DISC1: variants seen among roughly 807,000 people sequenced by gnomAD.
The protein encoded by DISC1 is disrupted in schizophrenia 1 protein.
A neutral mutation model predicts 84.5 loss-of-function variants in DISC1; 57 were observed. That is an observed-to-expected ratio of 0.67 (90% CI 0.55 to 0.84). The LOEUF (loss-of-function observed/expected upper bound fraction) is 0.84, where lower values mean the gene tolerates loss of function less well. Among genes scored for constraint, DISC1 ranks in the 40% least tolerant of loss-of-function variants. DISC1 has a pLI of 0.00. For synonymous variants in DISC1, 411 were observed against 415.2 expected, an observed-to-expected ratio of 0.99 and a Z score of 0.12; for missense variants, 1,000 against 1,057.8, an observed-to-expected ratio of 0.95 and a Z score of 0.76.
intron 10 of DISC1, among the ~76,000 whole-genome samples, chr1:231,992,031 G>C (rs193007946): frequency 2.2e-3 from 341 of 152,002 alleles, no homozygotes; most frequent in Non-Finnish European, 3.5e-3. Flanking sequence ...TTCTCCATTT[G>C]GTTGTTTCCA....
intron 9 of DISC1, among the ~76,000 whole-genome samples, chr1:231,919,983 C>G (rs2089895718): frequency 6.6e-6 from 1 of 152,150 alleles, no homozygotes; most frequent in Non-Finnish European, 1.5e-5. Flanking sequence ...AGCCTTGACA[C>G]TATTGACGTT....
chr1:231,713,599 T>C (rs1474081443), intron 3 of DISC1, among the ~76,000 whole-genome samples: 5 of 150,716 alleles, frequency 3.3e-5, no homozygotes, highest in Non-Finnish European at 7.4e-5. Flanking sequence ...CAATGGAAAT[T>C]ATTGAGTTTA....
At chr1:231,944,776 A>C (rs976487115) in intron 9 of DISC1, 1 of 152,228 alleles carries the variant, frequency 6.6e-6, no homozygotes, top group Admixed American at 6.5e-5. Context: ...TGAGTTTAAG[A>C]AGCGGAAGTT....
At chr1:231,821,458 A>G (rs2081489880) in intron 9 of DISC1, among the ~76,000 whole-genome samples, 2 of 152,302 alleles carry the variant, frequency 1.3e-5, no homozygotes, top group Non-Finnish European at 2.9e-5. Context: ...CCAAGACACA[A>G]TCTCTATAAA....
chr1:232,009,398 GC>G lies in DISC1; in HGVS notation c.2307+351del, dbSNP rs1478247438. 5 of 730,138 alleles carry G rather than the reference GC, an allele frequency of 6.8e-6. No individual in the cohort carries two copies. Among genetic ancestry groups the G allele is most frequent in the African/African-American group, 1.9e-5 (1 of 51,570 alleles). 45.2% of individuals were successfully genotyped at this position (730,138 alleles called of 1,614,324 possible). A position where few individuals can be genotyped will look rare whatever the true frequency, so the allele number is the denominator to read the frequency against. ...ATTATATTCACTATAGATTATATATGCCATACATGATATTTAACATATATAC... is the reference window on the plus strand; with the variant it reads ...ATTATATTCACTATAGATTATATATGCATACATGATATTTAACATATATAC... On this transcript the variant is annotated intron_variant, in intron 11 of 12. Transcript: ENST00000439617. The surrounding 1 kb of genome is among the most constrained non-coding windows in gnomAD (Gnocchi z 4.6).
intron 9 of DISC1, among the ~76,000 whole-genome samples, chr1:231,952,707 A>ATATG (rs1553406222): frequency 2.8e-5 from 4 of 141,830 alleles, no homozygotes; most frequent in African/African-American, 1.1e-4. Flanking sequence ...ATATATATAT[A>ATATG]TATATATGTA....
intron 10 of DISC1, among the ~76,000 whole-genome samples, chr1:231,971,010 C>T (rs1661878096): frequency 6.6e-6 from 1 of 152,202 alleles, no homozygotes; most frequent in Admixed American, 6.5e-5. Flanking sequence ...AGCCTGTGCA[C>T]CCATTATCCC....
intron 9 of DISC1, among the ~76,000 whole-genome samples, chr1:231,918,156 G>T (rs917731655): frequency 6.6e-6 from 1 of 152,212 alleles, no homozygotes; most frequent in Non-Finnish European, 1.5e-5. Context: ...GGTTGTGCCG[G>T]CTCTTCGTCA....
intron 7 of DISC1, among the ~76,000 whole-genome samples, chr1:231,797,390 G>A (rs1573893749): frequency 1.3e-5 from 2 of 152,276 alleles, no homozygotes; most frequent in East Asian, 3.9e-4. Flanking sequence ...TACTGTAGAC[G>A]AGGTGGCTTA....
chr1:231,863,220 C>CTCTTTTTTTT (rs2084801494), intron 9 of DISC1, among the ~76,000 whole-genome samples: 1 of 54,758 alleles, frequency 1.8e-5, no homozygotes, highest in Non-Finnish European at 3.1e-5. Flanking sequence ...ATAAAATGTT[C>CTCTTTTTTTT]TTTTTTTTTT....
At chr1:231,777,826 G>A (rs376820768) in intron 6 of DISC1, among the ~76,000 whole-genome samples, 1 of 152,132 alleles carries the variant, frequency 6.6e-6, no homozygotes, top group Admixed American at 6.5e-5. Flanking sequence ...ACCCTATAAG[G>A]TTTGTTGGGC....
chr1:231,819,176 G>C, intron 9 of DISC1: 2 of 965,608 alleles, frequency 2.1e-6, no homozygotes, highest in South Asian at 4.8e-5. Flanking sequence ...TTAAAAAATG[G>C]TTCCTAAATA....
At chr1:231,923,312 AAAAAAAC>A (rs1168541810) in intron 9 of DISC1, among the ~76,000 whole-genome samples, 9 of 151,250 alleles carry the variant, frequency 6.0e-5, no homozygotes, top group African/African-American at 1.9e-4. Flanking sequence ...AAAACCAAAA[AAAAAAAC>A]AAAAAGAAAA....
At chr1:231,812,530 C>G (rs561030896) in intron 8 of DISC1, among the ~76,000 whole-genome samples, 2 of 152,250 alleles carry the variant, frequency 1.3e-5, no homozygotes, top group South Asian at 2.1e-4. Context: ...ATGGCAAATT[C>G]TAGCTGAATT....
At chr1:231,628,178 G>C (rs1008154082) in intron 1 of DISC1, among the ~76,000 whole-genome samples, 3 of 152,154 alleles carry the variant, frequency 2.0e-5, no homozygotes, top group East Asian at 3.8e-4. Flanking sequence ...TCCTGTGCTC[G>C]GCATGGTACA....
chr1:231,645,684 C>A (rs2060062998), intron 1 of DISC1, among the ~76,000 whole-genome samples: 1 of 151,834 alleles, frequency 6.6e-6, no homozygotes, highest in African/African-American at 2.4e-5. Context: ...CACGACAGGC[C>A]CCAGTGTGCG....
intron 8 of DISC1, among the ~76,000 whole-genome samples, chr1:231,815,734 G>C (rs1444684014): frequency 3.2e-5 from 3 of 93,330 alleles, no homozygotes; most frequent in Non-Finnish European, 6.9e-5. Context: ...ACAAAACTCT[G>C]TCTCAAAAAA....
chr1:231,925,287 G>A (rs1388402571), intron 9 of DISC1, among the ~76,000 whole-genome samples: 1 of 152,152 alleles, frequency 6.6e-6, no homozygotes, highest in African/African-American at 2.4e-5. Flanking sequence ...TCTGAAAAAC[G>A]GTGACGATGA....
chr1:231,751,059 GCTTCCTTATAACT>G (rs1237848497), intron 4 of DISC1, among the ~76,000 whole-genome samples: 1 of 152,210 alleles, frequency 6.6e-6, no homozygotes, highest in Non-Finnish European at 1.5e-5. Context: ...CCTGGTAGGT[GCTTCCTTATAACT>G]ATTTGCTTAG....
Sources: gnomAD v4.1 joint callset for allele counts (sites outside exome capture counted in the v4.1 genomes callset) on GRCh38, gnomAD v4.1.1 for gene constraint, Gnocchi (gnomAD v3.1) non-coding constraint, MANE v1.5 for transcripts, NCBI Gene and HGNC (gene_info 2026-07-23, HGNC 2026-07-21) for gene names.